SAMD12: variants seen among roughly 807,000 people sequenced by gnomAD.
SAMD12 encodes sterile alpha motif domain-containing protein 12.
A neutral mutation model predicts 15.0 loss-of-function variants in SAMD12; 9 were observed. The observed-to-expected ratio is 0.60, with a 90% confidence interval of 0.36 to 1.05. SAMD12 has a LOEUF of 1.05. Among genes scored for constraint, SAMD12 ranks in the 50% least tolerant of loss-of-function variants. The pLI, the probability that SAMD12 is intolerant of heterozygous loss-of-function variation, is 0.01. For synonymous variants in SAMD12, 86 were observed against 90.1 expected, an observed-to-expected ratio of 0.96 and a Z score of 0.25; for missense variants, 230 against 234.2, an observed-to-expected ratio of 0.98 and a Z score of 0.12.
chr8:118,212,445 C>T (rs1811855940), intron 4 of SAMD12, among the ~76,000 whole-genome samples: 1 of 152,134 alleles, frequency 6.6e-6, no homozygotes, highest in South Asian at 2.1e-4. Flanking sequence ...CTCTAAAGAA[C>T]TTGACAATTT....
At chr8:118,272,206 C>G (rs1483463113) in intron 4 of SAMD12, among the ~76,000 whole-genome samples, 1 of 152,228 alleles carries the variant, frequency 6.6e-6, no homozygotes, top group Non-Finnish European at 1.5e-5. Flanking sequence ...TGTGTACCCA[C>G]AGGCTCAACA....
chr8:118,450,041 G>A (rs1473356644), intron 2 of SAMD12, among the ~76,000 whole-genome samples: 1 of 152,080 alleles, frequency 6.6e-6, no homozygotes, highest in African/African-American at 2.4e-5. Context: ...TGTACAAGGT[G>A]TCCCAATTCC....
At chr8:118,132,621 C>T in the SAMD12 span, among the ~76,000 whole-genome samples, 1 of 152,068 alleles carries the variant, frequency 6.6e-6, no homozygotes, top group Non-Finnish European at 1.5e-5. Flanking sequence ...TTTCTGTAAA[C>T]CTGGATGGAA....
chr8:118,352,574 A>T (rs1045747643), intron 4 of SAMD12, among the ~76,000 whole-genome samples: 3 of 152,196 alleles, frequency 2.0e-5, no homozygotes, highest in African/African-American at 4.8e-5. Flanking sequence ...GTCACCAAAG[A>T]TTCATATTTA....
the SAMD12 span, among the ~76,000 whole-genome samples, chr8:118,162,708 G>A: frequency 2.6e-5 from 4 of 152,274 alleles, no homozygotes; most frequent in East Asian, 1.9e-4. Flanking sequence ...AAGGGAAATC[G>A]AACTGTGTGG....
intron 2 of SAMD12, among the ~76,000 whole-genome samples, chr8:118,561,160 A>G (rs1826688690): frequency 6.6e-6 from 1 of 152,212 alleles, no homozygotes; most frequent in African/African-American, 2.4e-5. Flanking sequence ...ACAGAAGGAA[A>G]CAGACTAAAA....
intron 1 of SAMD12, among the ~76,000 whole-genome samples, chr8:118,598,296 CTATT>C (rs1438971536): frequency 6.6e-6 from 1 of 152,136 alleles, no homozygotes; most frequent in Non-Finnish European, 1.5e-5. Context: ...CTTTAAAGGG[CTATT>C]TAAAGTTAAT....
intron 4 of SAMD12, among the ~76,000 whole-genome samples, chr8:118,290,767 G>T (rs80234696): frequency 0.057 from 8,699 of 152,248 alleles, 779 homozygotes; most frequent in African/African-American, 0.19. Context: ...TGGGAACTTG[G>T]TGGTGACCAG....
chr8:118,135,654 C>T, the SAMD12 span, among the ~76,000 whole-genome samples: 1 of 151,624 alleles, frequency 6.6e-6, no homozygotes, highest in South Asian at 2.1e-4. Context: ...GTAATCCTCT[C>T]ACCTCAGCCT....
intron 3 of SAMD12, among the ~76,000 whole-genome samples, chr8:118,408,960 G>C (rs1034029596): frequency 9.2e-5 from 14 of 152,066 alleles, no homozygotes; most frequent in Non-Finnish European, 1.6e-4. Flanking sequence ...GTGCAGTGGT[G>C]CACTCTCGGC....
chr8:118,339,596 G>A (rs917135637), intron 4 of SAMD12, among the ~76,000 whole-genome samples: 4 of 152,202 alleles, frequency 2.6e-5, no homozygotes, highest in South Asian at 2.1e-4. Flanking sequence ...GCCTCGCTGC[G>A]TTTCTGTGGT....
rs192110592 is a variant in SAMD12 at position 118,257,951 on chromosome 8, A to T, written c.434-60219T>A. 2.1e-3 allele frequency among the ~76,000 whole-genome samples: 317 copies of T among 152,244 alleles called. 3 individuals carry two copies. Among genetic ancestry groups the T allele is most frequent in the Admixed American group, 0.019 (294 of 15,278 alleles). ...ACCATTCAGGTCAATGTTCCACTAC[A>T]GGTTGCTTTATTCTGGCATGAGGGA... On this transcript the variant is annotated intron_variant, in intron 4 of 4. Transcript: ENST00000409003.
intron 4 of SAMD12, among the ~76,000 whole-genome samples, chr8:118,348,112 T>C (rs1817759994): frequency 6.6e-6 from 1 of 152,234 alleles, no homozygotes; most frequent in Non-Finnish European, 1.5e-5. Context: ...GGTCTCAATC[T>C]GTGGCCCAGG....
chr8:118,463,776 G>A (rs1823505312), intron 2 of SAMD12, among the ~76,000 whole-genome samples: 1 of 152,008 alleles, frequency 6.6e-6, no homozygotes, highest in Admixed American at 6.6e-5. Flanking sequence ...TTTAAATGTG[G>A]TCAAATGGCT....
intron 4 of SAMD12, among the ~76,000 whole-genome samples, chr8:118,307,745 C>T (rs1815417386): frequency 6.6e-6 from 1 of 152,132 alleles, no homozygotes; most frequent in Non-Finnish European, 1.5e-5. Flanking sequence ...TTCCTCTGTA[C>T]AGTTTGGCTC....
chr8:118,321,922 T>A (rs1816304536), intron 4 of SAMD12, among the ~76,000 whole-genome samples: 1 of 152,202 alleles, frequency 6.6e-6, no homozygotes, highest in Non-Finnish European at 1.5e-5. Context: ...TTCTACTCAC[T>A]CAATACCCTT....
At chr8:118,529,685 G>A (rs1825632312) in intron 2 of SAMD12, among the ~76,000 whole-genome samples, 1 of 152,130 alleles carries the variant, frequency 6.6e-6, no homozygotes, top group Admixed American at 6.5e-5. Context: ...TTAGACTATG[G>A]CTTCCAGTTC....
In SAMD12 at chr8:118,481,068, G is replaced by C. The variant is rs553548369; in HGVS notation, c.193-41107C>G. Among the ~76,000 whole-genome samples the C allele has an allele frequency of 2.6e-5, 4 of 152,172 alleles. No homozygotes were observed. The East Asian group carries it at 5.8e-4, about 22-fold the overall frequency. ...AGCGATTCTCCTGCCTCAGCCTCCT[G>C]AATAGCTGGGATTACAGGTGTGTGC... On this transcript the variant is annotated intron_variant, in intron 2 of 3. Transcript: ENST00000314727.
Position 118,429,186 on chromosome 8 carries a change from C to T in SAMD12, c.322+10646G>A, listed in dbSNP as rs116018677. 7.3e-3 allele frequency among the ~76,000 whole-genome samples: 1,110 copies of T among 152,166 alleles called. 15 individuals carry two copies. Among genetic ancestry groups the T allele is most frequent in the African/African-American group, 0.021 (881 of 41,520 alleles). ...TATTACATAGTAATCTTGTATTTTG[C>T]GCACTAAGTTATATTATTAGTTCTT... On this transcript the variant is annotated intron_variant, in intron 3 of 3. Coordinates refer to ENST00000314727, the MANE Select transcript of SAMD12 (RefSeq NM_207506.3).
Sources: gnomAD v4.1 joint callset for allele counts (sites outside exome capture counted in the v4.1 genomes callset) on GRCh38, gnomAD v4.1.1 for gene constraint, MANE v1.5 for transcripts, NCBI Gene and HGNC (gene_info 2026-07-23, HGNC 2026-07-21) for gene names.